MYBPC3: variants seen among roughly 807,000 people sequenced by gnomAD.
MYBPC3 encodes the protein myosin-binding protein C, cardiac-type.
MYBPC3 carries 108 observed loss-of-function variants against 159.3 expected under a neutral mutation model. The observed-to-expected ratio is 0.68, with a 90% CI of 0.58 to 0.80. The LOEUF (loss-of-function observed/expected upper bound fraction) is 0.80, where lower values mean the gene tolerates loss of function less well. Among genes scored for constraint, MYBPC3 ranks in the 30% least tolerant of loss-of-function variants. MYBPC3 has a pLI of 0.00. For missense variants in MYBPC3, 1,631 were observed against 1,762.1 expected, an observed-to-expected ratio of 0.93 and a Z score of 1.33; for synonymous variants, 730 against 702.0, an observed-to-expected ratio of 1.04 and a Z score of -0.63.
intron 6 of MYBPC3, 76 bp downstream of exon 6, chr11:47,348,348 A>G (rs1240428873): frequency 9.4e-7 from 1 of 1,066,508 alleles, no homozygotes; most frequent in Non-Finnish European, 1.4e-6. Flanking sequence ...CATCCTCCTT[A>G]GTGTTGGGAA....
At position 47,352,219 on chromosome 11, in the gene MYBPC3, C is replaced by T. The variant is rs115789068; in HGVS notation, c.25+404G>A. ...CACCCCAGGTTGGGAGACTGAGACC[C>T]ATAGTGGGTAGAGACTGGTCTGAAG... is the stretch of plus-strand genomic sequence containing the variant. On this transcript the variant is annotated intron_variant, in intron 1 of 34. Transcript: ENST00000545968. 6.1e-3 allele frequency among the ~76,000 whole-genome samples: 923 copies of T among 152,220 alleles called. 14 individuals are homozygous for T. Among genetic ancestry groups the T allele is most frequent in the African/African-American group, 0.021 (892 of 41,534 alleles).
At position 47,337,704 on chromosome 11, in the gene MYBPC3, C is replaced by A. The variant is rs1273374175; in HGVS notation, c.2399G>T (p.Gly800Val). 6.3e-7 allele frequency: 1 copy of A among 1,579,358 alleles called. No individual in the cohort carries two copies. Among genetic ancestry groups the A allele is most frequent in the South Asian group, 1.1e-5 (1 of 87,002 alleles). The change falls in exon 24 of 35, where the codon GGG becomes GTG. Residue 800 changes from glycine to valine, a missense_variant. Transcript: ENST00000545968. ...CTTGCACTCACCCAGGATGGGCTGC[C>A]CGCCATCGTAGGCAGGCGGCTCCCA... The part of the protein sequence containing the change: ...VQWEPPAYDG[G>V]QPILGYILER...
chr11:47,332,513 G>T lies in MYBPC3; in HGVS notation c.3627+53C>A. ...GGGGAGAGGACTGCTCAACGTCGGG[G>T]CCTGTGAGCCCTGCCTCCTGGTCGG... is the stretch of plus-strand genomic sequence containing the variant. On this transcript the variant is annotated intron_variant, in intron 32 of 34. Transcript: ENST00000545968. This position sits in a 1 kb window ranked among gnomAD's most constrained non-coding sequence, Gnocchi z 4.2. 6.3e-7 allele frequency: 1 copy of T among 1,576,936 alleles called. No homozygotes were observed. Among genetic ancestry groups the T allele is most frequent in the Non-Finnish European group, 8.6e-7 (1 of 1,159,198 alleles).
rs397515903 is a variant in MYBPC3 at position 47,342,745 on chromosome 11, C to T, written c.1458-1G>A. On this transcript the variant is annotated splice_acceptor_variant, in intron 16 of 34. Coordinates refer to ENST00000545968, the MANE Select transcript of MYBPC3 (RefSeq NM_000256.3). LOFTEE classifies it high-confidence loss of function. ...GGTCAGCTCCACCCCGTCCTTCAGC[C>T]TAGCCGGGTGGGTGGGTGGCAAGTG... 6.2e-7 allele frequency: 1 copy of T among 1,613,860 alleles called. No individual in the cohort carries two copies. Among genetic ancestry groups the T allele is most frequent in the Non-Finnish European group, 8.5e-7 (1 of 1,179,784 alleles).
chr11:47,338,494 C>A lies in MYBPC3; in HGVS notation c.2308+26G>T, dbSNP rs765004593. The A allele has an allele frequency of 3.1e-6, 5 of 1,613,812 alleles. No individual in the cohort carries two copies. Among genetic ancestry groups the A allele is most frequent in the Non-Finnish European group, 4.2e-6 (5 of 1,179,814 alleles). On this transcript the variant is annotated intron_variant, in intron 23 of 34. Coordinates refer to ENST00000545968, the MANE Select transcript of MYBPC3 (RefSeq NM_000256.3). This position sits in a 1 kb window ranked among gnomAD's most constrained non-coding sequence, Gnocchi z 4.7. ...CCTTGGGGCTGCCCCTCTGTGTTCTCCAGCTTGGACCCCGGCCGGCCTCAC... is the reference window on the plus strand; with the variant it reads ...CCTTGGGGCTGCCCCTCTGTGTTCTACAGCTTGGACCCCGGCCGGCCTCAC...
At chr11:47,345,862 G>A (rs1266825809) in intron 12 of MYBPC3, among the ~76,000 whole-genome samples, 1 of 152,178 alleles carries the variant, frequency 6.6e-6, no homozygotes, top group South Asian at 2.1e-4. Context: ...GAAAGAAAGT[G>A]TAGCCTGATT....
In MYBPC3 at chr11:47,338,993, G is replaced by A. The variant is rs1252037882; in HGVS notation, c.2149-314C>T. Among the ~76,000 whole-genome samples the A allele has an allele frequency of 6.6e-6, 1 of 152,240 alleles. No homozygotes were observed. Among genetic ancestry groups the A allele is most frequent in the South Asian group, 2.1e-4 (1 of 4,834 alleles). Reference sequence around the variant, plus strand: ...GAGCAAGACCCCGGCAGCTACACTGGCAGAAAAGTGTCTCAGAAACTACTC... The same window carrying A: ...GAGCAAGACCCCGGCAGCTACACTGACAGAAAAGTGTCTCAGAAACTACTC... On this transcript the variant is annotated intron_variant, in intron 22 of 34. Transcript: ENST00000545968. This position sits in a 1 kb window ranked among gnomAD's most constrained non-coding sequence, Gnocchi z 4.7.
intron 8 of MYBPC3, 27 bp from the exon 9 acceptor site, chr11:47,347,506 T>C (rs2095895477): frequency 2.5e-6 from 4 of 1,589,630 alleles, no homozygotes; most frequent in Non-Finnish European, 3.4e-6. Context: ...CCAGTGAGGC[T>C]GCAGTGAGGG....
intron 8 of MYBPC3, 65 bp downstream of exon 8, chr11:47,347,586 C>T: frequency 6.4e-7 from 1 of 1,559,362 alleles, no homozygotes; most frequent in Non-Finnish European, 8.7e-7. Flanking sequence ...CCAGATTGGG[C>T]TCCCACCCGT....
Position 47,348,541 on chromosome 11 carries a change from C to G in MYBPC3, c.655G>C (p.Val219Leu), listed in dbSNP as rs397516068. ...LHDSYDRASKVYLFELHITDA... is the reference protein window; with the variant it reads ...LHDSYDRASKLYLFELHITDA... ...GTGATGTGCAGCTCGAACAGATAGA[C>G]CTGTGTGCATGGAGGGACGGGGCGT... The change falls in exon 6 of 35, where the codon GTC becomes CTC. Residue 219 changes from valine to leucine, a missense_variant and splice_region_variant. Coordinates refer to ENST00000545968, the MANE Select transcript of MYBPC3 (RefSeq NM_000256.3). The G allele has an allele frequency of 1.6e-5, 25 of 1,610,466 alleles. No individual in the cohort carries two copies. The highest frequency in any genetic ancestry group is 2.1e-5 in the Non-Finnish European group (25 of 1,177,924).
At chr11:47,349,262 T>C (rs1449292947) in intron 5 of MYBPC3, among the ~76,000 whole-genome samples, 4 of 152,020 alleles carry the variant, frequency 2.6e-5, no homozygotes, top group African/African-American at 7.2e-5. Flanking sequence ...AAACGAAGGC[T>C]TAAGGTTCTA....
At chr11:47,344,905 C>T (rs1222533223) in intron 12 of MYBPC3, among the ~76,000 whole-genome samples, 1 of 152,204 alleles carries the variant, frequency 6.6e-6, no homozygotes, top group Non-Finnish European at 1.5e-5. Context: ...ATTCTCCTGC[C>T]TCAGCCTCCG....
chr11:47,338,816 G>T lies in MYBPC3; in HGVS notation c.2149-137C>A. The T allele has an allele frequency of 4.4e-6, 5 of 1,141,712 alleles. No individual in the cohort carries two copies. The South Asian group carries it at 6.6e-5, about 15-fold the overall frequency. The allele number at this position is 1,141,712 out of a possible 1,614,324, so 70.7% of individuals were successfully genotyped here. On this transcript the variant is annotated intron_variant, in intron 22 of 34. Coordinates refer to ENST00000545968, the MANE Select transcript of MYBPC3 (RefSeq NM_000256.3). The surrounding 1 kb of genome is among the most constrained non-coding windows in gnomAD (Gnocchi z 4.7). The stretch of plus-strand genomic sequence containing the variant: ...AAGACTGCATCCACGTCAGCATCTA[G>T]TTCAAAATCATCTCTGTGGCACCGA...
intron 3 of MYBPC3, 62 bp from the exon 4 acceptor site, chr11:47,350,174 A>G (rs2095899154): frequency 7.4e-6 from 11 of 1,491,840 alleles, no homozygotes; most frequent in Admixed American, 4.0e-5. Flanking sequence ...CCCAGGCTGG[A>G]GTGCAGAGGC....
chr11:47,342,205 G>A (rs2095889413), intron 17 of MYBPC3, 49 bp from the exon 18 acceptor site: 1 of 1,595,294 alleles, frequency 6.3e-7, no homozygotes, highest in Admixed American at 1.7e-5. Context: ...TGTGGGTGTG[G>A]CGTGAATCCC....
Position 47,332,713 on chromosome 11 carries a change from C to T in MYBPC3, c.3491-11G>A. ...GCTCATAGGTGATGCCTGTTGGTGA[C>T]AGGACTTGGTACCGAGAGGGCCACA... On this transcript the variant is annotated splice_polypyrimidine_tract_variant and intron_variant, in intron 31 of 34. Coordinates refer to ENST00000545968, the MANE Select transcript of MYBPC3 (RefSeq NM_000256.3). This position sits in a 1 kb window ranked among gnomAD's most constrained non-coding sequence, Gnocchi z 4.2. The T allele has an allele frequency of 2.5e-6, 4 of 1,602,956 alleles. No homozygotes were observed. The highest frequency in any genetic ancestry group is 3.4e-6 in the Non-Finnish European group (4 of 1,174,584).
intron 12 of MYBPC3, among the ~76,000 whole-genome samples, chr11:47,345,438 G>T (rs900984831): frequency 3.3e-5 from 5 of 152,156 alleles, no homozygotes; most frequent in African/African-American, 4.8e-5. Flanking sequence ...CCGTCCCCAT[G>T]ATCGTGTGTG....
chr11:47,346,684 C>A lies in MYBPC3; in HGVS notation c.909-40G>T. The A allele has an allele frequency of 6.3e-7, 1 of 1,586,906 alleles. No individual in the cohort carries two copies. On this transcript the variant is annotated intron_variant, in intron 10 of 34. Transcript: ENST00000545968. The surrounding 1 kb of genome is among the most constrained non-coding windows in gnomAD (Gnocchi z 5.3). Reference sequence around the variant, plus strand: ...GGGGTGGGAGAAAGGGTAGGTGGCACATGAGAGGTATGGCCACCTTCCCTC... The same window carrying A: ...GGGGTGGGAGAAAGGGTAGGTGGCAAATGAGAGGTATGGCCACCTTCCCTC...
At chr11:47,336,419 G>A (rs191323786) in intron 25 of MYBPC3, 1 of 148,932 alleles carries the variant, frequency 6.7e-6, no homozygotes. Context: ...CCTGGGAGGT[G>A]AAGGTTACAG....
Sources: allele counts gnomAD v4.1 joint callset (sites outside exome capture counted in the v4.1 genomes callset), GRCh38; gene constraint gnomAD v4.1.1; non-coding constraint Gnocchi (gnomAD v3.1); transcripts MANE v1.5; gene names NCBI Gene and HGNC (gene_info 2026-07-23, HGNC 2026-07-21).